KCNH5: variants seen among roughly 807,000 people sequenced by gnomAD.
KCNH5 encodes the protein voltage-gated delayed rectifier potassium channel KCNH5.
A neutral mutation model predicts 96.1 loss-of-function variants in KCNH5; 46 were observed. The observed-to-expected ratio is 0.48, with a 90% CI of 0.38 to 0.61. The LOEUF is 0.61. Among genes scored for constraint, KCNH5 ranks in the 20% least tolerant of loss-of-function variants. KCNH5 has a pLI of 0.00. For synonymous variants in KCNH5, 439 were observed against 449.8 expected (o/e 0.98, Z 0.30); for missense variants, 907 against 1,225.8 (o/e 0.74, Z 3.88).
intron 2 of KCNH5, among the ~76,000 whole-genome samples, chr14:63,013,707 G>T (rs1243237955): frequency 6.6e-6 from 1 of 151,942 alleles, no homozygotes; most frequent in African/African-American, 2.4e-5. Flanking sequence ...TAAACTGCTT[G>T]GGGGGTGCTT....
rs144785915 is a variant in KCNH5, at chr14:62,701,797, T to C, written c.*5711A>G. On this transcript the variant is annotated 3_prime_UTR_variant, in exon 11 of 11. Coordinates refer to ENST00000322893, the MANE Select transcript of KCNH5 (RefSeq NM_139318.5). ...TTAACATTTTTTCATTAGAGAAAAT[T>C]ATTGAAACTCTCTGAAGTAAATATA... 7 of 152,232 alleles carry C rather than the reference T, an allele frequency of 4.6e-5. No individual in the cohort carries two copies. Among genetic ancestry groups the C allele is most frequent in the African/African-American group, 1.7e-4 (7 of 41,570 alleles). The allele number at this position is 152,232 out of a possible 1,614,324, so 9.4% of individuals were successfully genotyped here.
At chr14:62,726,398 C>T (rs1451727746) in intron 10 of KCNH5, among the ~76,000 whole-genome samples, 4 of 151,498 alleles carry the variant, frequency 2.6e-5, no homozygotes, top group African/African-American at 4.9e-5. Flanking sequence ...AATGCATATA[C>T]CCGATAAAAA....
At chr14:63,044,178 C>T (rs147432748) in intron 1 of KCNH5, among the ~76,000 whole-genome samples, 1 of 152,212 alleles carries the variant, frequency 6.6e-6, no homozygotes, top group South Asian at 2.1e-4. Flanking sequence ...AGATATTCAA[C>T]ATATCTTACT....
chr14:62,727,878 C>G (rs978020271), intron 10 of KCNH5, among the ~76,000 whole-genome samples: 2 of 150,692 alleles, frequency 1.3e-5, no homozygotes, highest in African/African-American at 4.9e-5. Context: ...AGACTAAACG[C>G]TCTTTAGCTG....
chr14:62,731,245 G>A (rs1249666226), intron 10 of KCNH5, among the ~76,000 whole-genome samples: 3 of 151,928 alleles, frequency 2.0e-5, no homozygotes, highest in Admixed American at 2.0e-4. Flanking sequence ...AGGTTGCAGT[G>A]AGCCAAGATC....
intron 6 of KCNH5, among the ~76,000 whole-genome samples, chr14:62,972,160 A>C (rs1012271990): frequency 6.6e-6 from 1 of 152,216 alleles, no homozygotes; most frequent in Non-Finnish European, 1.5e-5. Flanking sequence ...ACAATTAAAA[A>C]AATGCACAAA....
At chr14:62,814,652 A>G (rs1964001) in intron 8 of KCNH5, among the ~76,000 whole-genome samples, 83,884 of 150,956 alleles carry the variant, frequency 0.56, 23,762 homozygotes, top group South Asian at 0.79. Context: ...GTGTGGTGGC[A>G]GGCACCTGTA....
chr14:62,805,374 T>C (rs1318424772), intron 8 of KCNH5, among the ~76,000 whole-genome samples: 1 of 152,200 alleles, frequency 6.6e-6, no homozygotes, highest in Non-Finnish European at 1.5e-5. Context: ...TGATTTATTA[T>C]TTTGATTGAT....
chr14:62,873,710 ATCC>A (rs1328382842), intron 7 of KCNH5, among the ~76,000 whole-genome samples: 3 of 152,320 alleles, frequency 2.0e-5, no homozygotes, highest in South Asian at 4.1e-4. Flanking sequence ...ATGCCCAAAA[ATCC>A]TCCTCAATAT....
chr14:62,962,181 A>C (rs1890226279), intron 6 of KCNH5, among the ~76,000 whole-genome samples: 1 of 152,186 alleles, frequency 6.6e-6, no homozygotes, highest in African/African-American at 2.4e-5. Flanking sequence ...ATCTTCTATG[A>C]AAATGAAAAT....
At chr14:62,800,053 C>G (rs1428806959) in intron 9 of KCNH5, among the ~76,000 whole-genome samples, 1 of 151,292 alleles carries the variant, frequency 6.6e-6, no homozygotes, top group Non-Finnish European at 1.5e-5. Flanking sequence ...TTTCCTCCTC[C>G]TTTCTTAAAA....
chr14:62,777,754 C>G (rs530521341), intron 10 of KCNH5, among the ~76,000 whole-genome samples: 1 of 152,168 alleles, frequency 6.6e-6, no homozygotes, highest in Non-Finnish European at 1.5e-5. Flanking sequence ...GTTGAAAAAC[C>G]AACAACAGTT....
intron 7 of KCNH5, among the ~76,000 whole-genome samples, chr14:62,886,319 G>A (rs142373796): frequency 9.8e-5 from 15 of 152,308 alleles, no homozygotes; most frequent in African/African-American, 3.6e-4. Flanking sequence ...TGTGTAGCAC[G>A]TGAAAATTTG....
At chr14:62,839,603 C>T (rs1002062645) in intron 8 of KCNH5, among the ~76,000 whole-genome samples, 3 of 152,214 alleles carry the variant, frequency 2.0e-5, no homozygotes, top group Admixed American at 6.5e-5. Context: ...GATCAATTTA[C>T]GTGTTGTTAT....
intron 10 of KCNH5, among the ~76,000 whole-genome samples, chr14:62,760,989 T>C (rs1885734873): frequency 6.6e-6 from 1 of 152,248 alleles, no homozygotes; most frequent in South Asian, 2.1e-4. Flanking sequence ...ACATTTATTT[T>C]ATTTTTTTCA....
intron 7 of KCNH5, among the ~76,000 whole-genome samples, chr14:62,880,004 T>C (rs1888460547): frequency 6.6e-6 from 1 of 152,172 alleles, no homozygotes; most frequent in Non-Finnish European, 1.5e-5. Context: ...CACCAAGCAA[T>C]GTGTTTAATA....
At position 62,980,998 on chromosome 14, in the gene KCNH5, C is replaced by A. The variant is rs1190733757; in HGVS notation, c.816G>T (p.Gly272=). The A allele has an allele frequency of 2.5e-6, 4 of 1,614,014 alleles. No homozygotes were observed. Among genetic ancestry groups the A allele is most frequent in the African/African-American group, 1.3e-5 (1 of 74,916 alleles). The part of the protein sequence containing the change: ...IVLNFHTTFV[G]PGGEVISDPK... ...GGTCAGAAATGACCTCTCCACCGGG[C>A]CCCACGAAAGTCGTGTGAAAATTTA... The change falls in exon 6 of 11, where the codon GGG becomes GGT. Residue 272 remains glycine, a synonymous_variant. Coordinates refer to ENST00000322893, the MANE Select transcript of KCNH5 (RefSeq NM_139318.5).
At chr14:62,914,073 C>A (rs1242024954) in intron 7 of KCNH5, among the ~76,000 whole-genome samples, 1 of 152,186 alleles carries the variant, frequency 6.6e-6, no homozygotes, top group African/African-American at 2.4e-5. Context: ...ACACCACTCT[C>A]ATGTGCTTTC....
At chr14:62,714,656 T>C (rs960920621) in intron 10 of KCNH5, among the ~76,000 whole-genome samples, 3 of 152,206 alleles carry the variant, frequency 2.0e-5, no homozygotes, top group Non-Finnish European at 4.4e-5. Flanking sequence ...GAAGAAATTA[T>C]TATAGAAAGT....
Sources: allele counts gnomAD v4.1 joint callset (sites outside exome capture counted in the v4.1 genomes callset), GRCh38; gene constraint gnomAD v4.1.1; transcripts MANE v1.5; gene names NCBI Gene and HGNC (gene_info 2026-07-23, HGNC 2026-07-21).